The following PAXIP1 variants were observed in gnomAD, a reference collection of about 807,000 sequenced individuals.
The protein encoded by PAXIP1 is PAX interacting protein 1, also known as PAX-interacting protein 1.
Under a neutral mutation model 140.6 loss-of-function variants are expected in PAXIP1, and 19 were observed. The ratio of observed to expected loss-of-function variants is 0.14; its 90% CI spans 0.09 to 0.20. The LOEUF (loss-of-function observed/expected upper bound fraction) is 0.20. PAXIP1 is among the 10% of genes least tolerant of loss of function. PAXIP1 has a pLI of 1.00. For synonymous variants in PAXIP1, 442 were observed against 444.6 expected (o/e 0.99, Z 0.07); for missense variants, 920 against 1,208.6 (o/e 0.76, Z 3.54).
In PAXIP1 at chr7:154,944,061, G is replaced by A. The variant is rs1049603688; in HGVS notation, c.*88C>T. The stretch of plus-strand genomic sequence containing the variant: ...CCAGGAAAGCAGCTGGAAAACAAGA[G>A]CATGTGAAGGAAGCGCAGCAGCTCC... On this transcript the variant is annotated 3_prime_UTR_variant, in exon 21 of 21. Transcript: ENST00000404141. The A allele has an allele frequency of 1.4e-5, 17 of 1,228,836 alleles. No homozygotes were observed. Among genetic ancestry groups the A allele is most frequent in the Non-Finnish European group, 1.5e-5 (13 of 838,822 alleles). 76.1% of individuals were successfully genotyped at this position (1,228,836 alleles called of 1,614,324 possible). A position where few individuals can be genotyped will look rare whatever the true frequency, so the allele number is the denominator to read the frequency against.
At chr7:154,944,981 T>A (rs1419937758) in intron 20 of PAXIP1, 1 of 122,812 alleles carries the variant, frequency 8.1e-6, no homozygotes, top group East Asian at 2.6e-4. Flanking sequence ...AAATTTTACT[T>A]CTTTTTTTTT....
rs1810806925 is a variant in PAXIP1 at position 154,999,849 on chromosome 7, G to GT, written c.82-1066dup. Among the ~76,000 whole-genome samples, 6 of 152,326 alleles carry GT rather than the reference G, an allele frequency of 3.9e-5. No individual in the cohort carries two copies. In the South Asian group the frequency reaches 1.0e-3, roughly 26 times the overall value. On this transcript the variant is annotated intron_variant, in intron 1 of 20. Transcript: ENST00000404141. Reference sequence around the variant, plus strand: ...AGCCACAGCCATGAGCGTGAAGGTGGTCGCAGTGCAGAATGGGAGGGGAGC... The same window carrying GT: ...AGCCACAGCCATGAGCGTGAAGGTGGTTCGCAGTGCAGAATGGGAGGGGAGC...
intron 5 of PAXIP1, among the ~76,000 whole-genome samples, chr7:154,979,052 T>C (rs1033999297): frequency 6.6e-6 from 1 of 152,222 alleles, no homozygotes; most frequent in African/African-American, 2.4e-5. Context: ...AGGTAGTTTT[T>C]AATCACTGAA....
At position 154,991,079 on chromosome 7, in the gene PAXIP1, A is replaced by T. The variant is rs774919527; in HGVS notation, c.261-10T>A. 1.0e-5 allele frequency: 15 copies of T among 1,430,480 alleles called. No individual in the cohort carries two copies. The South Asian group carries it at 1.9e-4, about 18-fold the overall frequency. The allele number at this position is 1,430,480 out of a possible 1,614,324, so 88.6% of individuals were successfully genotyped here. The stretch of plus-strand genomic sequence containing the variant: ...AGAAAAACCATTTACTCTGTTTTAT[A>T]GTTATTAAGATTACAATGAAATAAG... On this transcript the variant is annotated splice_polypyrimidine_tract_variant and intron_variant, in intron 3 of 20. Transcript: ENST00000404141.
intron 12 of PAXIP1, among the ~76,000 whole-genome samples, chr7:154,960,494 CCTTCCATCT>C (rs756619341): frequency 2.5e-4 from 38 of 152,260 alleles, no homozygotes; most frequent in South Asian, 2.1e-4. Flanking sequence ...TTCAAGCGCT[CCTTCCATCT>C]CTAAGAGTTC....
At chr7:154,970,129 T>C (rs1809231032) in intron 6 of PAXIP1, among the ~76,000 whole-genome samples, 1 of 152,180 alleles carries the variant, frequency 6.6e-6, no homozygotes, top group African/African-American at 2.4e-5. Context: ...ATGAATTTTG[T>C]TCAACATGCT....
At position 154,946,846 on chromosome 7, in the gene PAXIP1, C is replaced by T; in HGVS notation, c.2923-33G>A. ...TAAATGAAAATATATGTATTATGTT[C>T]TTAAAATGCTTTAATTTTTAGAGTA... On this transcript the variant is annotated intron_variant, in intron 17 of 20. Transcript: ENST00000404141. The surrounding 1 kb of genome is among the most constrained non-coding windows in gnomAD (Gnocchi z 4.9). 1 of 1,441,048 alleles carries T rather than the reference C, an allele frequency of 6.9e-7. No individual in the cohort carries two copies. The allele number at this position is 1,441,048 out of a possible 1,614,324, so 89.3% of individuals were successfully genotyped here. A position where few individuals can be genotyped will look rare whatever the true frequency, so the allele number is the denominator to read the frequency against.
At chr7:154,958,374 T>C (rs909444669) in intron 13 of PAXIP1, among the ~76,000 whole-genome samples, 2 of 152,250 alleles carry the variant, frequency 1.3e-5, no homozygotes, top group Non-Finnish European at 2.9e-5. Flanking sequence ...CCAGGTGTTT[T>C]ATTACTTGAA....
intron 10 of PAXIP1, 150 bp from the exon 11 acceptor site, chr7:154,961,798 C>T (rs1808765334): frequency 1.4e-6 from 1 of 711,844 alleles, no homozygotes; most frequent in African/African-American, 1.8e-5. Flanking sequence ...CTAAAACTTT[C>T]AAGACCAGAA....
At chr7:154,992,033 ATC>A (rs1455282354) in intron 3 of PAXIP1, among the ~76,000 whole-genome samples, 3 of 152,166 alleles carry the variant, frequency 2.0e-5, no homozygotes, top group Non-Finnish European at 4.4e-5. Context: ...ATTATCGAAG[ATC>A]TGTTTCCATC....
At chr7:154,960,139 C>G (rs962602315) in intron 12 of PAXIP1, among the ~76,000 whole-genome samples, 5 of 152,202 alleles carry the variant, frequency 3.3e-5, no homozygotes, top group African/African-American at 1.2e-4. Context: ...GTTTCACATG[C>G]TGTCTGGATG....
intron 6 of PAXIP1, among the ~76,000 whole-genome samples, chr7:154,971,753 C>T (rs1809341349): frequency 6.6e-6 from 1 of 152,194 alleles, no homozygotes; most frequent in Admixed American, 6.5e-5. Context: ...TGATACACAT[C>T]ACATGGCTTC....
intron 16 of PAXIP1, chr7:154,950,709 C>T (rs1449614173): frequency 1.3e-5 from 2 of 152,164 alleles, no homozygotes; most frequent in Admixed American, 6.5e-5. Context: ...CTGCTAACTG[C>T]GAAAATTTAG....
chr7:154,952,716 C>T, intron 16 of PAXIP1, among the ~76,000 whole-genome samples: 1 of 152,138 alleles, frequency 6.6e-6, no homozygotes, highest in Non-Finnish European at 1.5e-5. Context: ...AACCTAACCC[C>T]GTGTTTACCC....
intron 1 of PAXIP1, 136 bp from the exon 2 acceptor site, chr7:154,998,920 C>G (rs1471740494): frequency 1.3e-6 from 1 of 747,544 alleles, no homozygotes; most frequent in Non-Finnish European, 2.1e-6. Flanking sequence ...AACTAACAGC[C>G]TTTTACTCTG....
At position 154,946,986 on chromosome 7, in the gene PAXIP1, T is replaced by C. The variant is rs1295639296; in HGVS notation, c.2923-173A>G. On this transcript the variant is annotated intron_variant, in intron 17 of 20. Transcript: ENST00000404141. This position sits in a 1 kb window ranked among gnomAD's most constrained non-coding sequence, Gnocchi z 4.9. ...ATCTGAAGTGGAAGAGGAATCCAGCTATGTAAATTTGGAATGTAAGCATTT... is the reference window on the plus strand; with the variant it reads ...ATCTGAAGTGGAAGAGGAATCCAGCCATGTAAATTTGGAATGTAAGCATTT... 2 of 517,102 alleles carry C rather than the reference T, an allele frequency of 3.9e-6. No homozygotes were observed. The highest frequency in any genetic ancestry group is 3.4e-6 in the Non-Finnish European group (1 of 294,542). The allele number at this position is 517,102 out of a possible 1,614,324, so 32.0% of individuals were successfully genotyped here. A position where few individuals can be genotyped will look rare whatever the true frequency, so the allele number is the denominator to read the frequency against.
Position 154,946,559 on chromosome 7 carries a change from C to T in PAXIP1, c.3086G>A (p.Cys1029Tyr). 1 of 1,613,918 alleles carries T rather than the reference C, an allele frequency of 6.2e-7. No individual in the cohort carries two copies. The highest frequency in any genetic ancestry group is 8.5e-7 in the Non-Finnish European group (1 of 1,179,844). ...SSLSEIILIS[C>Y]ENDLHLCREY... The stretch of plus-strand genomic sequence containing the variant: ...TCGGCATAAATGAAGGTCATTTTCA[C>T]AGGATATTAAAATTATTTCCGACAA... Residue 1029 changes from cysteine to tyrosine, a missense_variant, in exon 19 of 21, where the codon TGT becomes TAT. Cys to Tyr is a radical substitution (Grantham distance 194). Around this residue, in one of 5 missense-constraint regions of PAXIP1, gnomAD observed 303 missense variants for 517.9 expected, o/e 0.59. Transcript: ENST00000404141. This position sits in a 1 kb window ranked among gnomAD's most constrained non-coding sequence, Gnocchi z 4.9.
Position 154,945,912 on chromosome 7 carries a change from TTGA to T in PAXIP1, c.3194+450_3194+452del, listed in dbSNP as rs952238357. 7 of 985,330 alleles carry T rather than the reference TTGA, an allele frequency of 7.1e-6. No homozygotes were observed. The African/African-American group carries it at 1.2e-4, about 17-fold the overall frequency. 61.0% of individuals were successfully genotyped at this position (985,330 alleles called of 1,614,324 possible). A position where few individuals can be genotyped will look rare whatever the true frequency, so the allele number is the denominator to read the frequency against. ...CTGACCTTTGCATTTTCCTGACATG[TTGA>T]TGAAGTATTCATTCTGCCGCTTCCA... On this transcript the variant is annotated intron_variant, in intron 20 of 20. Coordinates refer to ENST00000404141, the MANE Select transcript of PAXIP1 (RefSeq NM_007349.4).
chr7:154,947,808 G>A, intron 17 of PAXIP1, 95 bp downstream of exon 17: 2 of 879,838 alleles, frequency 2.3e-6, no homozygotes, highest in South Asian at 2.7e-5. Flanking sequence ...AGCTCCCCTG[G>A]AGGCGCACTT....
Sources: gnomAD v4.1 joint callset for allele counts (sites outside exome capture counted in the v4.1 genomes callset) on GRCh38, gnomAD v4.1.1 for gene constraint, gnomAD v4.1.1 regional missense constraint, Gnocchi (gnomAD v3.1) non-coding constraint, MANE v1.5 for transcripts, NCBI Gene and HGNC (gene_info 2026-07-23, HGNC 2026-07-21) for gene names.